CELF1: variants seen among roughly 807,000 people sequenced by gnomAD.
CELF1 encodes 50 kDa nuclear polyadenylated RNA-binding protein.
CELF1 carries 10 observed loss-of-function variants against 61.8 expected under a neutral mutation model. The ratio of observed to expected loss-of-function variants is 0.16; its 90% CI spans 0.10 to 0.27. The LOEUF (loss-of-function observed/expected upper bound fraction) is 0.27. Ranked by LOEUF, CELF1 falls within the 10% of genes least tolerant of loss-of-function variation. The pLI is 1.00. For missense variants in CELF1, 380 were observed against 639.1 expected (o/e 0.59, Z 4.37); for synonymous variants, 236 against 225.1 (o/e 1.05, Z -0.43).
At chr11:47,481,182 G>C (rs2083045832) in intron 9 of CELF1, among the ~76,000 whole-genome samples, 1 of 127,884 alleles carries the variant, frequency 7.8e-6, no homozygotes, top group African/African-American at 2.9e-5. Context: ...TGCGATCTTG[G>C]CTCACTGCAA....
chr11:47,530,563 C>T (rs2096434306), intron 1 of CELF1, among the ~76,000 whole-genome samples: 1 of 152,170 alleles, frequency 6.6e-6, no homozygotes, highest in Non-Finnish European at 1.5e-5. Context: ...TCTTTGGTAG[C>T]AGCTTATAGA....
chr11:47,526,462 C>A (rs2096246943), intron 1 of CELF1, among the ~76,000 whole-genome samples: 1 of 152,170 alleles, frequency 6.6e-6, no homozygotes, highest in Admixed American at 6.5e-5. Flanking sequence ...GAGATTAATA[C>A]CACACTGCTT....
At chr11:47,482,548 A>C in intron 9 of CELF1, 147 bp downstream of exon 9, 1 of 661,686 alleles carries the variant, frequency 1.5e-6, no homozygotes, top group South Asian at 2.1e-5. Flanking sequence ...TAACAGGACT[A>C]AAAGAAATAG....
At chr11:47,558,548 TTA>T (rs1340970997) in intron 2 of CELF1, among the ~76,000 whole-genome samples, 6 of 105,094 alleles carry the variant, frequency 5.7e-5, no homozygotes, top group African/African-American at 1.4e-4. Flanking sequence ...TATATTTATA[TTA>T]TATATATTTA....
chr11:47,473,227 T>C lies in CELF1; in HGVS notation c.1278A>G (p.Pro426=), dbSNP rs1180738377. The C allele has an allele frequency of 6.2e-7, 1 of 1,611,420 alleles. No individual in the cohort carries two copies. The highest frequency in any genetic ancestry group is 8.5e-7 in the Non-Finnish European group (1 of 1,179,272). ...GGTAGATGAACAGGTTGGCTCCCTC[T>C]GGACCTTCAAAATACCCAGGAATTG... ...IGAAGSQKEG[P]EGANLFIYHL... Residue 426 remains proline, a synonymous_variant, in exon 14 of 15, where the codon CCA becomes CCG. Coordinates refer to ENST00000687097, the MANE Select transcript of CELF1 (RefSeq NM_001376376.1).
At chr11:47,556,372 CAG>C (rs1247229663), upstream of CELF1, among the ~76,000 whole-genome samples, 1 of 152,078 alleles carries the variant, frequency 6.6e-6, no homozygotes, top group Non-Finnish European at 1.5e-5. Context: ...TTTGTAGAGA[CAG>C]GGGTCTCACT....
chr11:47,551,071 A>C (rs902498641), intron 1 of CELF1, among the ~76,000 whole-genome samples: 2 of 152,108 alleles, frequency 1.3e-5, no homozygotes, highest in Non-Finnish European at 2.9e-5. Context: ...TTGGGCAAGT[A>C]AGTCACTTAA....
intron 1 of CELF1, 42 bp downstream of exon 1, chr11:47,552,950 C>A: frequency 2.5e-6 from 1 of 397,814 alleles, no homozygotes; most frequent in South Asian, 1.3e-4. Context: ...TTTTCCCCTC[C>A]CTCCCTCCCG....
intron 1 of CELF1, among the ~76,000 whole-genome samples, chr11:47,537,307 G>A (rs896828212): frequency 6.7e-6 from 1 of 150,080 alleles, no homozygotes; most frequent in Non-Finnish European, 1.5e-5. Context: ...GAGTGCAGTG[G>A]CGCCATCTTG....
intron 1 of CELF1, among the ~76,000 whole-genome samples, chr11:47,552,734 G>A (rs374159350): frequency 2.2e-4 from 33 of 152,288 alleles, no homozygotes; most frequent in African/African-American, 7.5e-4. Flanking sequence ...AGGAAGCAAA[G>A]CCACGAGGAG....
intron 3 of CELF1, among the ~76,000 whole-genome samples, chr11:47,496,188 T>A (rs957469341): frequency 1.3e-5 from 2 of 152,312 alleles, no homozygotes; most frequent in Admixed American, 1.3e-4. Flanking sequence ...TGGATAAAGG[T>A]CAATCTTCCT....
intron 2 of CELF1, 133 bp downstream of exon 2, chr11:47,500,728 A>G (rs959417102): frequency 5.1e-6 from 2 of 394,032 alleles, no homozygotes; most frequent in Non-Finnish European, 8.9e-6. Flanking sequence ...CCCGTTCTCA[A>G]TTTAGCTCCA....
chr11:47,541,870 A>T (rs934666447), intron 1 of CELF1, among the ~76,000 whole-genome samples: 2 of 152,068 alleles, frequency 1.3e-5, no homozygotes, highest in South Asian at 2.1e-4. Flanking sequence ...AATTAAAAGT[A>T]TAACAGTACA....
At chr11:47,548,462 T>C (rs913313166) in intron 1 of CELF1, among the ~76,000 whole-genome samples, 20 of 152,032 alleles carry the variant, frequency 1.3e-4, no homozygotes, top group African/African-American at 4.8e-4. Flanking sequence ...TGGGACTATA[T>C]CGAACATGAA....
At chr11:47,535,688 A>AT (rs995043393) in intron 1 of CELF1, among the ~76,000 whole-genome samples, 2 of 150,810 alleles carry the variant, frequency 1.3e-5, no homozygotes, top group Non-Finnish European at 3.0e-5. Context: ...TCAAAAAAAA[A>AT]AAAAAAATAA....
At chr11:47,485,199 T>C (rs2085979816) in intron 6 of CELF1, among the ~76,000 whole-genome samples, 1 of 152,200 alleles carries the variant, frequency 6.6e-6, no homozygotes, top group Non-Finnish European at 1.5e-5. Context: ...TTCCTCTTTT[T>C]GAGACAAGAG....
At chr11:47,479,460 T>C (rs2081808911) in intron 9 of CELF1, among the ~76,000 whole-genome samples, 1 of 152,244 alleles carries the variant, frequency 6.6e-6, no homozygotes, top group South Asian at 2.1e-4. Flanking sequence ...GAGTTACCCT[T>C]TATTGGTCAC....
chr11:47,541,205 T>TA (rs2096765124), intron 1 of CELF1, among the ~76,000 whole-genome samples: 1 of 152,126 alleles, frequency 6.6e-6, no homozygotes. Flanking sequence ...AATACTGGGT[T>TA]AAAAAAGACA....
At chr11:47,548,865 C>CAA (rs35634201) in intron 1 of CELF1, among the ~76,000 whole-genome samples, 1,421 of 83,394 alleles carry the variant, frequency 0.017, 22 homozygotes, top group Non-Finnish European at 0.023. Context: ...GACTCCATCT[C>CAA]AAAAAAAAAA....
Sources: allele counts gnomAD v4.1 joint callset (sites outside exome capture counted in the v4.1 genomes callset), GRCh38; gene constraint gnomAD v4.1.1; transcripts MANE v1.5; gene names NCBI Gene and HGNC (gene_info 2026-07-23, HGNC 2026-07-21).